Variants in CCDC171 observed in about 807,000 individuals in gnomAD.
CCDC171 encodes the protein coiled-coil domain containing 171.
Under a neutral mutation model 168.2 loss-of-function variants are expected in CCDC171, and 177 were observed. That is an observed-to-expected ratio of 1.05 (90% CI 0.93 to 1.19). CCDC171 has a LOEUF of 1.19. CCDC171 is among the 50% of genes most tolerant of loss of function. CCDC171 has a pLI of 0.00. For missense variants in CCDC171, 1,991 were observed against 1,539.0 expected, an observed-to-expected ratio of 1.29 and a Z score of -4.91; for synonymous variants, 687 against 540.8, an observed-to-expected ratio of 1.27 and a Z score of -3.75.
chr9:16,007,202 ATG>A (rs1372495117), intron 3 of CCDC171, among the ~76,000 whole-genome samples: 2 of 151,982 alleles, frequency 1.3e-5, no homozygotes, highest in African/African-American at 4.8e-5. Context: ...GCATTTTTTC[ATG>A]TGTTTTTTGG....
chr9:16,098,371 A>G, the CCDC171 span, among the ~76,000 whole-genome samples: 3 of 152,318 alleles, frequency 2.0e-5, no homozygotes, highest in Admixed American at 1.3e-4. Flanking sequence ...CGTCATCATC[A>G]TCAAGGACTT....
In CCDC171 at chr9:15,564,007, A is replaced by G. The variant is rs753497639; in HGVS notation, c.-82A>G. On this transcript the variant is annotated 5_prime_UTR_variant, in exon 2 of 26. Transcript: ENST00000380701. Reference sequence around the variant, plus strand: ...CAAATCATCTAACGTGAAGCCACAGACATCTTGGGCAATTTTAATCATCAA... The same window carrying G: ...CAAATCATCTAACGTGAAGCCACAGGCATCTTGGGCAATTTTAATCATCAA... The G allele has an allele frequency of 7.5e-6, 8 of 1,073,416 alleles. No individual in the cohort carries two copies. Among genetic ancestry groups the G allele is most frequent in the East Asian group, 2.4e-5 (1 of 41,546 alleles). 66.5% of individuals were successfully genotyped at this position (1,073,416 alleles called of 1,614,324 possible).
intron 21 of CCDC171, among the ~76,000 whole-genome samples, chr9:15,827,798 T>A (rs9407651): frequency 0.43 from 65,981 of 151,984 alleles, 14,517 homozygotes; most frequent in Non-Finnish European, 0.46. Context: ...TTTGAGCCTT[T>A]AGTTTGTTGT....
At chr9:15,936,895 CT>C (rs535846199) in intron 25 of CCDC171, among the ~76,000 whole-genome samples, 3 of 150,922 alleles carry the variant, frequency 2.0e-5, no homozygotes, top group East Asian at 2.0e-4. Context: ...TGTTTGACAA[CT>C]TTTTTTTTAG....
chr9:15,855,728 CT>C (rs2061325037), intron 23 of CCDC171, among the ~76,000 whole-genome samples: 1 of 151,608 alleles, frequency 6.6e-6, no homozygotes, highest in Non-Finnish European at 1.5e-5. Context: ...TAGTGTTACC[CT>C]TGGTGATTAT....
intron 24 of CCDC171, among the ~76,000 whole-genome samples, chr9:15,889,535 G>A (rs16933738): frequency 0.04 from 6,132 of 152,140 alleles, 163 homozygotes; most frequent in Middle Eastern, 0.082. Context: ...TTGAAAACTC[G>A]AAAGACTTCA....
At chr9:15,562,627 C>T (rs924960877) in intron 1 of CCDC171, among the ~76,000 whole-genome samples, 5 of 152,120 alleles carry the variant, frequency 3.3e-5, no homozygotes, top group African/African-American at 9.7e-5. Context: ...ATGATTAAGG[C>T]CCTAACTATC....
rs796274589 is a variant in CCDC171 at position 15,875,584 on chromosome 9, C to T, written c.3600+921C>T. The stretch of plus-strand genomic sequence containing the variant: ...AGTGTATTTAAAAGGAGAAATATCT[C>T]TTAAAACTTAGTGTGTCTTTCACAT... On this transcript the variant is annotated intron_variant, in intron 24 of 25. Transcript: ENST00000380701. 3 of 151,978 alleles carry T rather than the reference C, an allele frequency of 2.0e-5. No homozygotes were observed. In the South Asian group the frequency reaches 6.2e-4, roughly 32 times the overall value. The allele number at this position is 151,978 out of a possible 1,614,324, so 9.4% of individuals were successfully genotyped here.
At chr9:15,682,472 GAC>G (rs1390797955) in intron 10 of CCDC171, among the ~76,000 whole-genome samples, 2 of 151,802 alleles carry the variant, frequency 1.3e-5, no homozygotes, top group Non-Finnish European at 2.9e-5. Flanking sequence ...ATTTTTAATT[GAC>G]ACAAAATAAT....
intron 1 of CCDC171, among the ~76,000 whole-genome samples, chr9:15,559,510 C>G (rs955653766): frequency 1.3e-5 from 2 of 152,066 alleles, no homozygotes; most frequent in Admixed American, 6.5e-5. Context: ...CTCTTTTGAT[C>G]TTTGTTAGTT....
At chr9:15,862,888 A>G (rs1014876451) in intron 23 of CCDC171, among the ~76,000 whole-genome samples, 5 of 152,066 alleles carry the variant, frequency 3.3e-5, no homozygotes, top group African/African-American at 1.2e-4. Context: ...CCCTCTGGTA[A>G]TACTTGGAAA....
intron 6 of CCDC171, among the ~76,000 whole-genome samples, chr9:15,605,545 G>T (rs2043162288): frequency 6.7e-6 from 1 of 150,318 alleles, no homozygotes. Context: ...AAATTAGCCG[G>T]GAGTAGTGGC....
chr9:16,010,896 T>C (rs111583084), intron 3 of CCDC171, among the ~76,000 whole-genome samples: 2,626 of 152,054 alleles, frequency 0.017, 71 homozygotes, highest in African/African-American at 0.058. Context: ...TAGGATGAGG[T>C]CCCCAGGGAT....
At chr9:15,861,916 A>G (rs2061576445) in intron 23 of CCDC171, among the ~76,000 whole-genome samples, 1 of 151,924 alleles carries the variant, frequency 6.6e-6, no homozygotes, top group Non-Finnish European at 1.5e-5. Flanking sequence ...GCTCCTTGTA[A>G]GGCAAGTCTG....
chr9:15,608,172 A>G (rs548284373), intron 6 of CCDC171, among the ~76,000 whole-genome samples: 1 of 152,258 alleles, frequency 6.6e-6, no homozygotes, highest in East Asian at 1.9e-4. Context: ...TAACCCATTC[A>G]CAAGGGCAGA....
intron 24 of CCDC171, among the ~76,000 whole-genome samples, chr9:15,906,044 C>G (rs1822545861): frequency 6.6e-6 from 1 of 151,754 alleles, no homozygotes. Flanking sequence ...GCTTACCAAC[C>G]AAAAAAAATC....
chr9:15,587,753 A>G (rs1167978678), intron 4 of CCDC171: 2 of 417,490 alleles, frequency 4.8e-6, no homozygotes, highest in Admixed American at 2.5e-5. Flanking sequence ...TAATGAGAGT[A>G]GACAACCAAG....
chr9:15,949,679 C>T (rs9406569), intron 25 of CCDC171, among the ~76,000 whole-genome samples: 62,494 of 148,632 alleles, frequency 0.42, 12,595 homozygotes, highest in African/African-American at 0.48. Flanking sequence ...TTGCTGAAGT[C>T]GCTTATCAGC....
At chr9:15,637,927 C>G (rs2046324782) in intron 7 of CCDC171, among the ~76,000 whole-genome samples, 1 of 152,078 alleles carries the variant, frequency 6.6e-6, no homozygotes, top group Admixed American at 6.6e-5. Context: ...CCGCAATAAA[C>G]ATACGTGTGC....
Sources: gnomAD v4.1 joint callset for allele counts (sites outside exome capture counted in the v4.1 genomes callset) on GRCh38, gnomAD v4.1.1 for gene constraint, MANE v1.5 for transcripts, NCBI Gene and HGNC (gene_info 2026-07-23, HGNC 2026-07-21) for gene names.